PCDHAC2: variants seen among roughly 807,000 people sequenced by gnomAD.
The protein encoded by PCDHAC2 is protocadherin alpha subfamily C, 2.
In PCDHAC2, 24 loss-of-function variants were observed where a neutral mutation model predicts 63.3. The ratio of observed to expected loss-of-function variants is 0.38; its 90% CI spans 0.27 to 0.53. The LOEUF is 0.53. Ranked by LOEUF, PCDHAC2 falls within the 20% of genes least tolerant of loss-of-function variation. The probability of loss-of-function intolerance (pLI) is 0.81; values close to 1 mark genes in which losing one functional copy is unlikely to be tolerated. For synonymous variants in PCDHAC2, 569 were observed against 529.4 expected (o/e 1.07, Z -1.03); for missense variants, 1,181 against 1,275.2 (o/e 0.93, Z 1.12).
chr5:140,985,878 T>A (rs891027308), intron 3 of PCDHAC2, among the ~76,000 whole-genome samples: 1 of 151,822 alleles, frequency 6.6e-6, no homozygotes, highest in South Asian at 2.1e-4. Flanking sequence ...TAGCTGGGAC[T>A]ACAGGCGCCC....
At chr5:140,990,858 T>C (rs1243458417) in intron 3 of PCDHAC2, among the ~76,000 whole-genome samples, 2 of 152,172 alleles carry the variant, frequency 1.3e-5, no homozygotes, top group African/African-American at 2.4e-5. Flanking sequence ...CCTGAGGACA[T>C]TGTATTTTAA....
In PCDHAC2 at chr5:141,011,141, A is replaced by G. The variant is rs1039778930; in HGVS notation, c.*1204A>G. 3.9e-5 allele frequency: 6 copies of G among 153,668 alleles called. No homozygotes were observed. In the Admixed American group the frequency reaches 3.9e-4, roughly 10 times the overall value. The allele number at this position is 153,668 out of a possible 1,614,324, so 9.5% of individuals were successfully genotyped here. On this transcript the variant is annotated 3_prime_UTR_variant, in exon 4 of 4. Coordinates refer to ENST00000289269, the MANE Select transcript of PCDHAC2 (RefSeq NM_018899.6). Reference sequence around the variant, plus strand: ...ACAATTATGTGCACTTTGATACACAACCTTCTCTAACCAACTATATATCAA... The same window carrying G: ...ACAATTATGTGCACTTTGATACACAGCCTTCTCTAACCAACTATATATCAA...
chr5:140,987,892 A>C (rs1383983251), intron 3 of PCDHAC2, among the ~76,000 whole-genome samples: 1 of 152,094 alleles, frequency 6.6e-6, no homozygotes, highest in Non-Finnish European at 1.5e-5. Flanking sequence ...TATGTGCCCT[A>C]GTTTTATATG....
intron 1 of PCDHAC2, among the ~76,000 whole-genome samples, chr5:140,977,149 G>A (rs1484811068): frequency 6.6e-6 from 1 of 152,198 alleles, no homozygotes; most frequent in Non-Finnish European, 1.5e-5. Flanking sequence ...TGCTGGAACT[G>A]TGCCTTTCAG....
intron 3 of PCDHAC2, 56 bp downstream of exon 3, chr5:140,982,619 C>G (rs561557496): frequency 7.5e-6 from 12 of 1,589,654 alleles, no homozygotes; most frequent in Middle Eastern, 3.4e-4. Context: ...GATCAGATGA[C>G]CTACTTTTGT....
chr5:140,969,106 A>G lies in PCDHAC2; in HGVS notation c.2340A>G (p.Glu780=). The G allele has an allele frequency of 6.2e-7, 1 of 1,614,132 alleles. No individual in the cohort carries two copies. Among genetic ancestry groups the G allele is most frequent in the Non-Finnish European group, 8.5e-7 (1 of 1,180,020 alleles). ...HGLKVQPHFI[E]VRGNGSLTKT... ...TCAAAGTGCAGCCTCACTTCATTGA[A>G]GTTCGAGGGAATGGCTCCCTCACCA... Residue 780 remains glutamate (E), a synonymous_variant, in exon 1 of 4, where the codon GAA becomes GAG. Coordinates refer to ENST00000289269, the MANE Select transcript of PCDHAC2 (RefSeq NM_018899.6).
chr5:140,979,053 T>A (rs1429544807), intron 2 of PCDHAC2, 46 bp downstream of exon 2: 3 of 1,610,104 alleles, frequency 1.9e-6, no homozygotes, highest in Admixed American at 3.4e-5. Context: ...CTTAACTTGG[T>A]ATGGCTCAGA....
Position 141,012,131 on chromosome 5 carries a change from G to A in PCDHAC2, c.*2194G>A, listed in dbSNP as rs1214098938. The A allele has an allele frequency of 1.3e-5, 2 of 153,688 alleles. No individual in the cohort carries two copies. The highest frequency in any genetic ancestry group is 2.9e-5 in the Non-Finnish European group (2 of 68,026). 9.5% of individuals were successfully genotyped at this position (153,688 alleles called of 1,614,324 possible). A position where few individuals can be genotyped will look rare whatever the true frequency, so the allele number is the denominator to read the frequency against. ...CTGAAGCCCATGTATCTGACCTTAC[G>A]TGCCTTTTGAACTAGGAGAATCGGG... On this transcript the variant is annotated 3_prime_UTR_variant, in exon 4 of 4. Transcript: ENST00000289269.
chr5:140,972,754 C>T (rs782389999), intron 1 of PCDHAC2, among the ~76,000 whole-genome samples: 1 of 151,316 alleles, frequency 6.6e-6, no homozygotes, highest in African/African-American at 2.4e-5. Flanking sequence ...ACCTCCGCCT[C>T]CCAAGTTAAA....
chr5:140,971,040 A>G (rs1554232989), intron 1 of PCDHAC2, among the ~76,000 whole-genome samples: 2 of 152,194 alleles, frequency 1.3e-5, no homozygotes, highest in Non-Finnish European at 2.9e-5. Flanking sequence ...AAGCACGTAA[A>G]AGGGTTTAGC....
At chr5:141,003,181 C>T (rs564008062) in intron 3 of PCDHAC2, among the ~76,000 whole-genome samples, 8 of 152,328 alleles carry the variant, frequency 5.3e-5, no homozygotes, top group African/African-American at 1.7e-4. Flanking sequence ...AGGCTCAACT[C>T]CATCAACTCA....
Position 140,972,810 on chromosome 5 carries a change from C to T in PCDHAC2, c.2565+3479C>T, listed in dbSNP as rs546110006. 7.2e-5 allele frequency among the ~76,000 whole-genome samples: 11 copies of T among 151,984 alleles called. No homozygotes were observed. In the East Asian group the frequency reaches 9.7e-4, roughly 13 times the overall value. On this transcript the variant is annotated intron_variant, in intron 1 of 3. Transcript: ENST00000289269. ...TCCTGAGTAGCTGAGATTACAGGCA[C>T]GCGCCACCACGCCTGGCTAATTTTT...
At chr5:140,993,470 A>T (rs1348899420) in intron 3 of PCDHAC2, among the ~76,000 whole-genome samples, 10 of 115,268 alleles carry the variant, frequency 8.7e-5, no homozygotes, top group East Asian at 7.9e-4. Flanking sequence ...TCTCACACAC[A>T]CACACACACA....
intron 3 of PCDHAC2, among the ~76,000 whole-genome samples, chr5:141,008,133 A>G (rs782089475): frequency 6.6e-6 from 1 of 152,208 alleles, no homozygotes; most frequent in Non-Finnish European, 1.5e-5. Context: ...GGGGATGACA[A>G]ATGCTGCTGA....
Position 140,978,996 on chromosome 5 carries a change from A to T in PCDHAC2, c.2613A>T (p.Ala871=), listed in dbSNP as rs2096831053. The change falls in exon 2 of 4, where the codon GCA becomes GCT. Residue 871 remains alanine, a synonymous_variant. Coordinates refer to ENST00000289269, the MANE Select transcript of PCDHAC2 (RefSeq NM_018899.6). ...GGCGTTACTCTGCCTCCCTGAGAGC[A>T]GGCATGCACAGGTATGTATTTCCCT... ...PDWRYSASLR[A]GMHSSVHLEE... 1 of 1,614,186 alleles carries T rather than the reference A, an allele frequency of 6.2e-7. No individual in the cohort carries two copies.
In PCDHAC2 at chr5:141,010,147, C is replaced by T. The variant is rs895381983; in HGVS notation, c.*210C>T. ...AAGTCTGGTGTTAACTCTTTCTCTC[C>T]ACTCTGGCTTGTTTTCAGAACCTAA... On this transcript the variant is annotated 3_prime_UTR_variant, in exon 4 of 4. Coordinates refer to ENST00000289269, the MANE Select transcript of PCDHAC2 (RefSeq NM_018899.6). 3.2e-6 allele frequency: 5 copies of T among 1,583,190 alleles called. No homozygotes were observed. The highest frequency in any genetic ancestry group is 4.3e-6 in the Non-Finnish European group (5 of 1,163,606).
intron 1 of PCDHAC2, among the ~76,000 whole-genome samples, chr5:140,974,318 A>G (rs2096622244): frequency 6.6e-6 from 1 of 152,206 alleles, no homozygotes; most frequent in Admixed American, 6.5e-5. Context: ...GTGAGAGAGT[A>G]GCTGCTGTGC....
Position 140,967,059 on chromosome 5 carries a change from C to A in PCDHAC2, c.293C>A (p.Ala98Glu), listed in dbSNP as rs2153750398. 6.2e-7 allele frequency: 1 copy of A among 1,612,750 alleles called. No homozygotes were observed. Among genetic ancestry groups the A allele is most frequent in the Non-Finnish European group, 8.5e-7 (1 of 1,179,654 alleles). The change falls in exon 1 of 4, where the codon GCG (alanine) becomes GAG (glutamate). Residue 98 changes from alanine to glutamate, a missense_variant. Ala to Glu is a moderately radical substitution (Grantham distance 107). This residue lies in a region of PCDHAC2 where 210 missense variants were observed against 184.9 expected (regional missense o/e 1.14). Coordinates refer to ENST00000289269, the MANE Select transcript of PCDHAC2 (RefSeq NM_018899.6). The part of the protein sequence containing the change: ...RYLELDLTSG[A>E]LFVNERIDRE... ...CTGGAGCTGGACCTGACGAGTGGAG[C>A]GCTCTTCGTCAACGAGCGCATTGAT...
At chr5:140,993,984 CACTT>C (rs2097589955) in intron 3 of PCDHAC2, among the ~76,000 whole-genome samples, 1 of 152,114 alleles carries the variant, frequency 6.6e-6, no homozygotes, top group Non-Finnish European at 1.5e-5. Flanking sequence ...ATTTATTAAG[CACTT>C]AGGTCAGGCC....
Sources: allele counts gnomAD v4.1 joint callset (sites outside exome capture counted in the v4.1 genomes callset), GRCh38; gene constraint gnomAD v4.1.1; regional missense constraint gnomAD v4.1.1; transcripts MANE v1.5; gene names NCBI Gene and HGNC (gene_info 2026-07-23, HGNC 2026-07-21).